Variants in CIT observed in about 807,000 individuals in gnomAD.
The protein encoded by CIT is citron Rho-interacting kinase.
CIT carries 79 observed loss-of-function variants against 272.7 expected under a neutral mutation model. That is an observed-to-expected ratio of 0.29 (90% CI 0.24 to 0.35). The LOEUF (loss-of-function observed/expected upper bound fraction) is 0.35. Ranked by LOEUF, CIT falls within the 10% of genes least tolerant of loss-of-function variation. CIT has a pLI of 1.00. For synonymous variants in CIT, 948 were observed against 995.6 expected (o/e 0.95, Z 0.90); for missense variants, 1,909 against 2,618.3 (o/e 0.73, Z 5.91).
chr12:119,768,052 T>C lies in CIT; in HGVS notation c.2209-870A>G, dbSNP rs1962661600. Among the ~76,000 whole-genome samples, 1 of 152,034 alleles carries C rather than the reference T, an allele frequency of 6.6e-6. No homozygotes were observed. Among genetic ancestry groups the C allele is most frequent in the Non-Finnish European group, 1.5e-5 (1 of 68,004 alleles). On this transcript the variant is annotated intron_variant, in intron 18 of 47. Transcript: ENST00000392521. This position sits in a 1 kb window ranked among gnomAD's most constrained non-coding sequence, Gnocchi z 4.3. Reference sequence around the variant, plus strand: ...TCAGTCTCCCAAGTAGCTGGGATTATAGGCATGCGCCACCATGCCCGGCTA... The same window carrying C: ...TCAGTCTCCCAAGTAGCTGGGATTACAGGCATGCGCCACCATGCCCGGCTA...
At chr12:119,811,257 C>T (rs1313228175) in intron 9 of CIT, among the ~76,000 whole-genome samples, 1 of 152,120 alleles carries the variant, frequency 6.6e-6, no homozygotes, top group Admixed American at 6.5e-5. Flanking sequence ...TCAGCTGTGA[C>T]TGCATCACTG....
intron 32 of CIT, among the ~76,000 whole-genome samples, chr12:119,716,378 CAAAAAAAAAAAA>C (rs35690078): frequency 0.012 from 220 of 17,714 alleles, no homozygotes; most frequent in South Asian, 0.055. Flanking sequence ...GACTCTGTCT[CAAAAAAAAAAAA>C]AAAAAAAAAA....
At chr12:119,729,390 T>A (rs1958305457) in intron 27 of CIT, among the ~76,000 whole-genome samples, 1 of 152,216 alleles carries the variant, frequency 6.6e-6, no homozygotes, top group South Asian at 2.1e-4. Flanking sequence ...AGATTCATGT[T>A]TATCATATTG....
chr12:119,826,057 C>T (rs1194570854), intron 7 of CIT, among the ~76,000 whole-genome samples: 2 of 151,976 alleles, frequency 1.3e-5, no homozygotes, highest in Non-Finnish European at 2.9e-5. Context: ...GACAGCGAGA[C>T]TGTAAGAAAA....
chr12:119,761,147 G>A, intron 19 of CIT, 92 bp from the exon 20 acceptor site: 2 of 1,003,228 alleles, frequency 2.0e-6, no homozygotes, highest in Admixed American at 3.5e-5. Context: ...TAGGAAAGAG[G>A]AGAAAAGCAG....
chr12:119,780,833 C>T (rs185577355), intron 13 of CIT, among the ~76,000 whole-genome samples: 289 of 152,296 alleles, frequency 1.9e-3, no homozygotes, highest in African/African-American at 6.4e-3. Context: ...AAATCTGAAA[C>T]CACGTTTCTT....
chr12:119,871,118 T>TG (rs1555269058), intron 2 of CIT, among the ~76,000 whole-genome samples: 4 of 142,830 alleles, frequency 2.8e-5, no homozygotes, highest in African/African-American at 1.0e-4. Flanking sequence ...CAGTCTGTCT[T>TG]AAAAAAAAAA....
intron 9 of CIT, among the ~76,000 whole-genome samples, chr12:119,814,909 A>G (rs1464553258): frequency 6.6e-6 from 1 of 151,948 alleles, no homozygotes; most frequent in Non-Finnish European, 1.5e-5. Flanking sequence ...GTGGTGGCGC[A>G]TGCCTGTAAT....
At position 119,728,105 on chromosome 12, in the gene CIT, C is replaced by T. The variant is rs908224986; in HGVS notation, c.3591+397G>A. 6.6e-6 allele frequency among the ~76,000 whole-genome samples: 1 copy of T among 152,062 alleles called. No individual in the cohort carries two copies. Among genetic ancestry groups the T allele is most frequent in the African/African-American group, 2.4e-5 (1 of 41,400 alleles). ...AGACAGCAAAAAGATCAGTGGCTGCCAGGAGTTGAGGGTGGGGAGGGATGA... is the reference window on the plus strand; with the variant it reads ...AGACAGCAAAAAGATCAGTGGCTGCTAGGAGTTGAGGGTGGGGAGGGATGA... On this transcript the variant is annotated intron_variant, in intron 28 of 47. Transcript: ENST00000392521. The surrounding 1 kb of genome is among the most constrained non-coding windows in gnomAD (Gnocchi z 4.3).
In CIT at chr12:119,785,084, A is replaced by G. The variant is rs781081308; in HGVS notation, c.1296-19T>C. On this transcript the variant is annotated intron_variant, in intron 10 of 47. Coordinates refer to ENST00000392521, the MANE Select transcript of CIT (RefSeq NM_001206999.2). ...AACAGACCTAGGTAGAGAAAAACCA[A>G]CGTCAAGGGGGCCTGCAGGTGGGCC... 2 of 1,612,564 alleles carry G rather than the reference A, an allele frequency of 1.2e-6. No homozygotes were observed. Among genetic ancestry groups the G allele is most frequent in the African/African-American group, 2.7e-5 (2 of 74,832 alleles).
At chr12:119,730,700 G>A (rs933003931) in intron 26 of CIT, 70 bp from the exon 27 acceptor site, 60 of 1,546,088 alleles carry the variant, frequency 3.9e-5, no homozygotes, top group East Asian at 6.8e-5. Context: ...AGGCTGGTCC[G>A]TCTCTAATCC....
In CIT at chr12:119,712,517, C is replaced by A. The variant is rs1957218167; in HGVS notation, c.4684+74G>T. The A allele has an allele frequency of 6.9e-7, 1 of 1,457,338 alleles. No homozygotes were observed. Among genetic ancestry groups the A allele is most frequent in the Non-Finnish European group, 9.6e-7 (1 of 1,042,226 alleles). The allele number at this position is 1,457,338 out of a possible 1,614,324, so 90.3% of individuals were successfully genotyped here. A position where few individuals can be genotyped will look rare whatever the true frequency, so the allele number is the denominator to read the frequency against. On this transcript the variant is annotated intron_variant, in intron 36 of 47. Transcript: ENST00000392521. This position sits in a 1 kb window ranked among gnomAD's most constrained non-coding sequence, Gnocchi z 5.2. ...CTTTGCAGAGCCAATCTTCCCTGTA[C>A]CACCCCTTCTGTCCCTGCTGATTGG...
At chr12:119,762,714 G>A (rs1012754047) in intron 19 of CIT, among the ~76,000 whole-genome samples, 15 of 152,136 alleles carry the variant, frequency 9.9e-5, no homozygotes, top group Non-Finnish European at 1.9e-4. Context: ...AGGTAAGTAT[G>A]AGCTAGAAGG....
chr12:119,766,905 A>G (rs1400464475), intron 19 of CIT, among the ~76,000 whole-genome samples, 182 bp downstream of exon 19: 1 of 151,424 alleles, frequency 6.6e-6, no homozygotes, highest in Non-Finnish European at 1.5e-5. Context: ...TTTTTTTGGA[A>G]CTTCAGATTT....
intron 22 of CIT, among the ~76,000 whole-genome samples, chr12:119,754,813 C>T (rs115901474): frequency 0.016 from 2,403 of 152,306 alleles, 72 homozygotes; most frequent in African/African-American, 0.056. Context: ...GGGGCTGGCT[C>T]TACTGATTCA....
Position 119,713,343 on chromosome 12 carries a change from A to G in CIT, c.4488-49T>C, listed in dbSNP as rs756444962. The stretch of plus-strand genomic sequence containing the variant: ...AAAAATGTCTGAACTCAGAAGAAAC[A>G]TCCGGCTGGAGGATAGGATGAGGGG... On this transcript the variant is annotated intron_variant, in intron 34 of 47. Coordinates refer to ENST00000392521, the MANE Select transcript of CIT (RefSeq NM_001206999.2). The surrounding 1 kb of genome is among the most constrained non-coding windows in gnomAD (Gnocchi z 5.2). 1 of 1,596,202 alleles carries G rather than the reference A, an allele frequency of 6.3e-7. No individual in the cohort carries two copies. Among genetic ancestry groups the G allele is most frequent in the Non-Finnish European group, 8.6e-7 (1 of 1,164,886 alleles).
At chr12:119,773,004 A>G in intron 16 of CIT, 94 bp from the exon 17 acceptor site, 1 of 1,081,420 alleles carries the variant, frequency 9.2e-7, no homozygotes, top group Non-Finnish European at 1.2e-6. Flanking sequence ...CCAGAACTTA[A>G]AGTATAATCT....
chr12:119,853,317 C>CT (rs753965872), intron 4 of CIT, among the ~76,000 whole-genome samples: 19 of 135,534 alleles, frequency 1.4e-4, no homozygotes, highest in Non-Finnish European at 2.6e-4. Flanking sequence ...AAGCAAGACT[C>CT]TGTCTCCAAA....
chr12:119,824,239 T>C (rs1209355519), intron 8 of CIT, among the ~76,000 whole-genome samples: 1 of 151,638 alleles, frequency 6.6e-6, no homozygotes, highest in African/African-American at 2.4e-5. Flanking sequence ...AAGGAGTATA[T>C]CGAAAAATCA....
Sources: allele counts gnomAD v4.1 joint callset (sites outside exome capture counted in the v4.1 genomes callset), GRCh38; gene constraint gnomAD v4.1.1; non-coding constraint Gnocchi (gnomAD v3.1); transcripts MANE v1.5; gene names NCBI Gene and HGNC (gene_info 2026-07-23, HGNC 2026-07-21).